The following TMCO4 variants were observed in gnomAD, a reference collection of about 807,000 sequenced individuals.
TMCO4 encodes the protein transmembrane and coiled-coil domain-containing protein 4.
Under a neutral mutation model 64.7 loss-of-function variants are expected in TMCO4, and 58 were observed. The ratio of observed to expected loss-of-function variants is 0.90; its 90% CI spans 0.73 to 1.12. The LOEUF (loss-of-function observed/expected upper bound fraction) is 1.12. Ranked by LOEUF, TMCO4 falls within the 50% of genes most tolerant of loss-of-function variation. TMCO4 has a pLI of 0.00. For synonymous variants in TMCO4, 325 were observed against 346.1 expected, an observed-to-expected ratio of 0.94 and a Z score of 0.68; for missense variants, 780 against 825.9, an observed-to-expected ratio of 0.94 and a Z score of 0.68.
rs933274067 is a variant in TMCO4 at position 19,760,164 on chromosome 1, C to CT, written c.383-4399dup. ...GAATTATTCTTAAATGTCATATAGTCTTTTTTTTTTCTTTTTTAAGAGATG... is the reference window on the plus strand; with the variant it reads ...GAATTATTCTTAAATGTCATATAGTCTTTTTTTTTTTCTTTTTTAAGAGATG... On this transcript the variant is annotated intron_variant, in intron 6 of 15. Transcript: ENST00000294543. Among the ~76,000 whole-genome samples the CT allele has an allele frequency of 1.5e-3, 227 of 149,890 alleles. 1 individual carries two copies. Among genetic ancestry groups the CT allele is most frequent in the African/African-American group, 3.8e-3 (157 of 40,898 alleles).
chr1:19,737,806 C>T (rs1257046648), intron 12 of TMCO4, among the ~76,000 whole-genome samples: 3 of 152,270 alleles, frequency 2.0e-5, no homozygotes, highest in African/African-American at 7.2e-5. Context: ...ACTGATCTGC[C>T]TTGCGGCAAA....
At chr1:19,795,100 T>C (rs767722014) in intron 2 of TMCO4, among the ~76,000 whole-genome samples, 12 of 152,134 alleles carry the variant, frequency 7.9e-5, no homozygotes, top group Non-Finnish European at 1.8e-4. Flanking sequence ...TACTTGACAT[T>C]ACTGAACTAC....
rs770828902 is a variant in TMCO4, at chr1:19,747,175, C to G, written c.601G>C (p.Gly201Arg). ...LLIGLATVGGGTVIGVTGGLA... is the reference protein window; with the variant it reads ...LLIGLATVGGRTVIGVTGGLA... The stretch of plus-strand genomic sequence containing the variant: ...TAGCTGGACTCACCGATCACCGTTC[C>G]GCCTCCGACAGTCGCCAGGCCTATC... The change falls in exon 8 of 16, where the codon GGA (glycine) becomes CGA (arginine). Residue 201 changes from glycine (G) to arginine (R), a missense_variant. Physicochemically the swap from Gly to Arg is moderately radical, Grantham distance 125. Coordinates refer to ENST00000294543, the MANE Select transcript of TMCO4 (RefSeq NM_181719.7). 2 of 1,613,968 alleles carry G rather than the reference C, an allele frequency of 1.2e-6. No homozygotes were observed. The highest frequency in any genetic ancestry group is 2.7e-5 in the African/African-American group (2 of 75,008).
At chr1:19,694,604 A>G (rs1027838975) in intron 14 of TMCO4, 53 bp from the exon 15 acceptor site, 2 of 1,562,704 alleles carry the variant, frequency 1.3e-6, no homozygotes, top group East Asian at 2.3e-5. Flanking sequence ...CGGACAGCCC[A>G]AGGACAGGAC....
intron 13 of TMCO4, among the ~76,000 whole-genome samples, chr1:19,703,947 T>C (rs1253673257): frequency 6.6e-6 from 1 of 152,228 alleles, no homozygotes; most frequent in East Asian, 1.9e-4. Context: ...CAACCAGTTC[T>C]GCTACTCTTT....
At position 19,780,651 on chromosome 1, in the gene TMCO4, C is replaced by A; in HGVS notation, c.108G>T (p.Glu36Asp). The change falls in exon 4 of 16, where the codon GAG (glutamate) becomes GAT (aspartate). Residue 36 changes from glutamate (E) to aspartate (D), a missense_variant. Glu to Asp is a conservative substitution (Grantham distance 45). Coordinates refer to ENST00000294543, the MANE Select transcript of TMCO4 (RefSeq NM_181719.7). ...PHLPTGRELT[E>D]ANRFAYAALC... ...GGGCAGCATAGGCGAAGCGGTTGGC[C>A]TCAGTCAGCTCCCGGCCCGTGGGCA... 6.2e-7 allele frequency: 1 copy of A among 1,613,992 alleles called. No homozygotes were observed. Among genetic ancestry groups the A allele is most frequent in the Non-Finnish European group, 8.5e-7 (1 of 1,179,966 alleles).
At chr1:19,740,350 C>A (rs545942592) in intron 11 of TMCO4, among the ~76,000 whole-genome samples, 1 of 152,296 alleles carries the variant, frequency 6.6e-6, no homozygotes, top group African/African-American at 2.4e-5. Context: ...TAGCCTCTTG[C>A]GCTTCTATCA....
chr1:19,727,920 C>T (rs886546288), intron 13 of TMCO4, among the ~76,000 whole-genome samples: 10 of 152,120 alleles, frequency 6.6e-5, no homozygotes, highest in African/African-American at 1.4e-4. Context: ...TGGAAGGAAC[C>T]GGAAGCCATT....
chr1:19,704,352 T>C (rs2095291070), intron 13 of TMCO4, among the ~76,000 whole-genome samples: 1 of 152,160 alleles, frequency 6.6e-6, no homozygotes, highest in African/African-American at 2.4e-5. Flanking sequence ...AGAAGGCCCT[T>C]AGAGATCAAC....
intron 4 of TMCO4, among the ~76,000 whole-genome samples, chr1:19,777,480 T>C (rs2043261564): frequency 6.6e-6 from 1 of 152,050 alleles, no homozygotes; most frequent in South Asian, 2.1e-4. Context: ...ACCTAGTAGC[T>C]GGGATTGTCA....
intron 13 of TMCO4, among the ~76,000 whole-genome samples, chr1:19,715,918 A>C (rs2095353596): frequency 6.6e-6 from 1 of 152,164 alleles, no homozygotes. Flanking sequence ...CATCCTAGAA[A>C]GCCTGCCCCT....
intron 13 of TMCO4, 69 bp downstream of exon 13, chr1:19,737,303 G>A: frequency 6.7e-7 from 1 of 1,499,676 alleles, no homozygotes; most frequent in Middle Eastern, 2.2e-4. Context: ...ATGGCCCCTG[G>A]CCCAGAACAT....
intron 4 of TMCO4, among the ~76,000 whole-genome samples, chr1:19,780,265 T>C (rs1017964565): frequency 2.6e-5 from 4 of 152,200 alleles, no homozygotes; most frequent in Non-Finnish European, 4.4e-5. Flanking sequence ...AGTGTGGACC[T>C]GGAAGAGCTG....
chr1:19,797,655 G>A (rs2044374836), intron 2 of TMCO4, among the ~76,000 whole-genome samples: 1 of 152,092 alleles, frequency 6.6e-6, no homozygotes, highest in East Asian at 1.9e-4. Flanking sequence ...CAGATCACGA[G>A]GTCAGGAGTT....
chr1:19,696,815 A>C (rs2095240241), intron 14 of TMCO4, among the ~76,000 whole-genome samples: 1 of 152,228 alleles, frequency 6.6e-6, no homozygotes, highest in Non-Finnish European at 1.5e-5. Flanking sequence ...GTATTTATAC[A>C]CATGTAGGGG....
At position 19,758,678 on chromosome 1, in the gene TMCO4, G is replaced by A. The variant is rs148309118; in HGVS notation, c.383-2912C>T. Among the ~76,000 whole-genome samples the A allele has an allele frequency of 3.3e-3, 496 of 152,256 alleles. 6 individuals carry two copies. Among genetic ancestry groups the A allele is most frequent in the South Asian group, 0.01 (49 of 4,824 alleles). On this transcript the variant is annotated intron_variant, in intron 6 of 15. Coordinates refer to ENST00000294543, the MANE Select transcript of TMCO4 (RefSeq NM_181719.7). Reference sequence around the variant, plus strand: ...GGAAGCTCTAGGAGCAAATCTCCTCGTCTAGAAGGCAGTAGGGAGGGGCAG... The same window carrying A: ...GGAAGCTCTAGGAGCAAATCTCCTCATCTAGAAGGCAGTAGGGAGGGGCAG...
intron 6 of TMCO4, among the ~76,000 whole-genome samples, chr1:19,768,410 C>T (rs950323633): frequency 6.6e-6 from 1 of 152,190 alleles, no homozygotes; most frequent in African/African-American, 2.4e-5. Flanking sequence ...ATTCTTCCCT[C>T]ACTTCTGTTA....
chr1:19,757,151 C>T (rs904072514), intron 6 of TMCO4, among the ~76,000 whole-genome samples: 13 of 98,412 alleles, frequency 1.3e-4, no homozygotes, highest in Admixed American at 3.2e-4. Flanking sequence ...ATTAGCCAGG[C>T]GTGGTGGCGG....
chr1:19,723,120 C>T (rs958907758), intron 13 of TMCO4, among the ~76,000 whole-genome samples: 3 of 152,150 alleles, frequency 2.0e-5, no homozygotes, highest in South Asian at 2.1e-4. Flanking sequence ...ATCTGAAATG[C>T]GTGGGACCAG....
Sources: gnomAD v4.1 joint callset for allele counts (sites outside exome capture counted in the v4.1 genomes callset) on GRCh38, gnomAD v4.1.1 for gene constraint, MANE v1.5 for transcripts, NCBI Gene and HGNC (gene_info 2026-07-23, HGNC 2026-07-21) for gene names.